The following TTC7B variants were observed in gnomAD, a reference collection of about 807,000 sequenced individuals.
The protein encoded by TTC7B is tetratricopeptide repeat protein 7B.
TTC7B carries 28 observed loss-of-function variants against 106.8 expected under a neutral mutation model. The observed-to-expected ratio is 0.26, with a 90% CI of 0.19 to 0.36. TTC7B has a LOEUF of 0.36. Ranked by LOEUF, TTC7B falls within the 10% of genes least tolerant of loss-of-function variation. TTC7B has a pLI of 1.00. For missense variants in TTC7B, 862 were observed against 1,076.4 expected, an observed-to-expected ratio of 0.80 and a Z score of 2.79; for synonymous variants, 405 against 430.6, an observed-to-expected ratio of 0.94 and a Z score of 0.74.
chr14:90,626,061 T>C lies in TTC7B; in HGVS notation c.1752-8016A>G, dbSNP rs17126928. Among the ~76,000 whole-genome samples the C allele has an allele frequency of 6.3e-3, 965 of 152,316 alleles. 15 individuals are homozygous for C. The highest frequency in any genetic ancestry group is 0.022 in the African/African-American group (894 of 41,560). On this transcript the variant is annotated intron_variant, in intron 15 of 19. Transcript: ENST00000328459. ...TAGACTTACTGAGTCAGAATCTGCA[T>C]GTAACCAGATCACAAGGGGATTCAT...
chr14:90,803,124 C>T (rs1224087574), intron 1 of TTC7B, among the ~76,000 whole-genome samples: 1 of 151,476 alleles, frequency 6.6e-6, no homozygotes, highest in Non-Finnish European at 1.5e-5. Flanking sequence ...GCCTGGGTGA[C>T]AGAGCGAGAC....
At chr14:90,614,976 T>A (rs955706116) in intron 16 of TTC7B, among the ~76,000 whole-genome samples, 1 of 152,152 alleles carries the variant, frequency 6.6e-6, no homozygotes. Context: ...AGACAAAGCA[T>A]GAGACAGATT....
chr14:90,766,503 C>A, intron 3 of TTC7B: 1 of 699,268 alleles, frequency 1.4e-6, no homozygotes, highest in Non-Finnish European at 2.6e-6. Flanking sequence ...GGACAGGAGG[C>A]CTACGTGCCA....
Position 90,800,177 on chromosome 14 carries a change from G to A in TTC7B, c.122-13849C>T, listed in dbSNP as rs10138788. Among the ~76,000 whole-genome samples the A allele has an allele frequency of 6.3e-3, 957 of 152,256 alleles. 14 individuals carry two copies. Among genetic ancestry groups the A allele is most frequent in the African/African-American group, 0.022 (918 of 41,552 alleles). ...TGCCTCTGTCAGCCCTGTGGAGAATGGACCCAGGGTGGGGCTGGAGGCAAG... is the reference window on the plus strand; with the variant it reads ...TGCCTCTGTCAGCCCTGTGGAGAATAGACCCAGGGTGGGGCTGGAGGCAAG... On this transcript the variant is annotated intron_variant, in intron 1 of 19. Transcript: ENST00000328459.
intron 5 of TTC7B, among the ~76,000 whole-genome samples, chr14:90,708,743 T>C (rs1888314605): frequency 6.6e-6 from 1 of 152,216 alleles, no homozygotes; most frequent in South Asian, 2.1e-4. Context: ...TCTGACTTAC[T>C]GTTTACCATA....
In TTC7B at chr14:90,759,935, A is replaced by T. The variant is rs771944320; in HGVS notation, c.446-15013T>A. On this transcript the variant is annotated intron_variant, in intron 3 of 19. Transcript: ENST00000328459. This position sits in a 1 kb window ranked among gnomAD's most constrained non-coding sequence, Gnocchi z 4.1. ...ATAAAGCAGGCAGCTTAGATATGACACAGCCTCAACACCCAACCCAGAATA... is the reference window on the plus strand; with the variant it reads ...ATAAAGCAGGCAGCTTAGATATGACTCAGCCTCAACACCCAACCCAGAATA... 3.0e-4 allele frequency among the ~76,000 whole-genome samples: 46 copies of T among 152,214 alleles called. No individual in the cohort carries two copies. The highest frequency in any genetic ancestry group is 2.6e-4 in the Admixed American group (4 of 15,284).
chr14:90,541,820 A>C (rs74348362), intron 19 of TTC7B, among the ~76,000 whole-genome samples: 17,145 of 152,316 alleles, frequency 0.11, 1,129 homozygotes, highest in African/African-American at 0.18. Flanking sequence ...TTGAATATAA[A>C]AATGGCAACT....
At chr14:90,567,967 A>C (rs1890868058) in intron 19 of TTC7B, among the ~76,000 whole-genome samples, 1 of 152,184 alleles carries the variant, frequency 6.6e-6, no homozygotes, top group Non-Finnish European at 1.5e-5. Context: ...GGTCCAGATC[A>C]CACGTGGGGT....
intron 18 of TTC7B, among the ~76,000 whole-genome samples, chr14:90,590,864 C>T (rs1265513879): frequency 2.0e-5 from 3 of 152,290 alleles, no homozygotes; most frequent in East Asian, 3.9e-4. Context: ...CAATGCTCAC[C>T]GTATGCATAC....
intron 13 of TTC7B, among the ~76,000 whole-genome samples, chr14:90,652,109 A>G (rs1242984218): frequency 1.3e-5 from 2 of 152,076 alleles, no homozygotes; most frequent in Non-Finnish European, 2.9e-5. Context: ...GGGGCAGGAG[A>G]AACTGTGTTA....
At chr14:90,581,159 G>A (rs1891472369) in intron 18 of TTC7B, among the ~76,000 whole-genome samples, 1 of 152,218 alleles carries the variant, frequency 6.6e-6, no homozygotes. Flanking sequence ...ACGGGGCCCA[G>A]GGGCTTGTGG....
chr14:90,551,769 G>A (rs961800545), intron 19 of TTC7B, among the ~76,000 whole-genome samples: 1 of 152,178 alleles, frequency 6.6e-6, no homozygotes, highest in South Asian at 2.1e-4. Context: ...CCTCCCGGGC[G>A]GCCCTTTCTT....
intron 13 of TTC7B, among the ~76,000 whole-genome samples, chr14:90,650,300 T>C (rs1023934205): frequency 6.6e-6 from 1 of 152,192 alleles, no homozygotes; most frequent in Non-Finnish European, 1.5e-5. Flanking sequence ...CAGTCCTGAT[T>C]ACAGGGGCCA....
At chr14:90,582,701 CT>C (rs1256227919) in intron 18 of TTC7B, among the ~76,000 whole-genome samples, 9 of 152,224 alleles carry the variant, frequency 5.9e-5, no homozygotes, top group Admixed American at 2.0e-4. Flanking sequence ...CCCCGCAGCT[CT>C]ATTTTGCCAG....
intron 3 of TTC7B, among the ~76,000 whole-genome samples, chr14:90,778,698 G>A (rs1000083776): frequency 6.6e-6 from 1 of 152,354 alleles, no homozygotes; most frequent in East Asian, 1.9e-4. Context: ...CCGTAGCTCA[G>A]ACAGATGCAA....
At position 90,807,335 on chromosome 14, in the gene TTC7B, G is replaced by C. The variant is rs917298338; in HGVS notation, c.121+8840C>G. 1.3e-5 allele frequency among the ~76,000 whole-genome samples: 2 copies of C among 152,100 alleles called. No individual in the cohort carries two copies. Among genetic ancestry groups the C allele is most frequent in the African/African-American group, 4.8e-5 (2 of 41,404 alleles). ...GTCATTGCTGTCCTCAGGCTACAGGGTCACATTCTGTCTCCCACTCGGACA... is the reference window on the plus strand; with the variant it reads ...GTCATTGCTGTCCTCAGGCTACAGGCTCACATTCTGTCTCCCACTCGGACA... On this transcript the variant is annotated intron_variant, in intron 1 of 19. Coordinates refer to ENST00000328459, the MANE Select transcript of TTC7B (RefSeq NM_001010854.2). This position sits in a 1 kb window ranked among gnomAD's most constrained non-coding sequence, Gnocchi z 4.1.
chr14:90,593,516 T>A lies in TTC7B; in HGVS notation c.2077A>T (p.Met693Leu). The A allele has an allele frequency of 6.2e-7, 1 of 1,609,400 alleles. No homozygotes were observed. The highest frequency in any genetic ancestry group is 8.5e-7 in the Non-Finnish European group (1 of 1,177,216). Residue 693 changes from methionine (M) to leucine (L), a missense_variant, in exon 18 of 20, where the codon ATG (methionine) becomes TTG (leucine). Physicochemically the swap from Met to Leu is conservative, Grantham distance 15 (BLOSUM62 2). Transcript: ENST00000328459. The part of the protein sequence containing the change: ...APKQGPLHPW[M>L]TLAQIWLHAA... ...TGGAGCCAGATCTGTGCCAGCGTCA[T>A]CCAGGGGTGCAGCGGGCCCTGCTTA... is the stretch of plus-strand genomic sequence containing the variant.
Position 90,742,351 on chromosome 14 carries a change from TC to T in TTC7B, c.576+2440del, listed in dbSNP as rs1196284573. Among the ~76,000 whole-genome samples, 2 of 151,018 alleles carry T rather than the reference TC, an allele frequency of 1.3e-5. No homozygotes were observed. The highest frequency in any genetic ancestry group is 3.0e-5 in the Non-Finnish European group (2 of 67,596). On this transcript the variant is annotated intron_variant, in intron 4 of 19. Coordinates refer to ENST00000328459, the MANE Select transcript of TTC7B (RefSeq NM_001010854.2). The surrounding 1 kb of genome is among the most constrained non-coding windows in gnomAD (Gnocchi z 4.1). ...CTCTCTCTCTCTTTCTCTCTTCCTT[TC>T]TTTCTTCATTTGTAGAGACAAGGTC...
Position 90,537,310 on chromosome 14 carries a change from C to G in TTC7B, c.*4058G>C, listed in dbSNP as rs1015352624. The G allele has an allele frequency of 2.0e-5, 3 of 151,810 alleles. No homozygotes were observed. The highest frequency in any genetic ancestry group is 7.3e-5 in the African/African-American group (3 of 41,142). The allele number at this position is 151,810 out of a possible 1,614,324, so 9.4% of individuals were successfully genotyped here. A position where few individuals can be genotyped will look rare whatever the true frequency, so the allele number is the denominator to read the frequency against. On this transcript the variant is annotated 3_prime_UTR_variant, in exon 20 of 20. Transcript: ENST00000328459. Reference sequence around the variant, plus strand: ...CAAGCAATCAGCCCATCTCAGCCTCCCAAGCAGCTGGGACTACAGGTGCAC... The same window carrying G: ...CAAGCAATCAGCCCATCTCAGCCTCGCAAGCAGCTGGGACTACAGGTGCAC...
Sources: gnomAD v4.1 joint callset for allele counts (sites outside exome capture counted in the v4.1 genomes callset) on GRCh38, gnomAD v4.1.1 for gene constraint, Gnocchi (gnomAD v3.1) non-coding constraint, MANE v1.5 for transcripts, NCBI Gene and HGNC (gene_info 2026-07-23, HGNC 2026-07-21) for gene names.